The following MNAT1 variants were observed in gnomAD, a reference collection of about 807,000 sequenced individuals.
MNAT1 encodes CDK-activating kinase assembly factor MAT1.
Under a neutral mutation model 42.0 loss-of-function variants are expected in MNAT1, and 43 were observed. That is an observed-to-expected ratio of 1.02 (90% CI 0.80 to 1.32). The LOEUF (loss-of-function observed/expected upper bound fraction) is 1.32, where lower values mean the gene tolerates loss of function less well. MNAT1 is among the 40% of genes most tolerant of loss of function. MNAT1 has a pLI of 0.00. For synonymous variants in MNAT1, 118 were observed against 120.0 expected (o/e 0.98, Z 0.11); for missense variants, 306 against 350.4 (o/e 0.87, Z 1.01).
chr14:60,883,047 A>T (rs2034586222), intron 7 of MNAT1, among the ~76,000 whole-genome samples: 2 of 151,922 alleles, frequency 1.3e-5, no homozygotes, highest in South Asian at 4.1e-4. Context: ...CTCTTTGTTC[A>T]TCGATTTCTT....
intron 3 of MNAT1, among the ~76,000 whole-genome samples, chr14:60,803,045 C>A (rs1216515014): frequency 6.6e-6 from 1 of 151,254 alleles, no homozygotes; most frequent in Non-Finnish European, 1.5e-5. Context: ...CAATTATCTG[C>A]CTCAGCCTCC....
intron 7 of MNAT1, among the ~76,000 whole-genome samples, chr14:60,888,537 C>A (rs1237833030): frequency 1.3e-5 from 2 of 151,764 alleles, no homozygotes; most frequent in Non-Finnish European, 2.9e-5. Flanking sequence ...AAAACTGGCA[C>A]AAGACAGGGA....
intron 6 of MNAT1, among the ~76,000 whole-genome samples, chr14:60,820,404 C>T (rs2032847386): frequency 6.6e-6 from 1 of 152,006 alleles, no homozygotes. Context: ...CTGTTGCTTC[C>T]ACTTTAGCAA....
In MNAT1 at chr14:60,812,134, A is replaced by G. The variant is rs1333484914; in HGVS notation, c.561+7A>G. ...GGCTTTTTTAGATGAGCTGGTATGT[A>G]TTAATGCTAATTGTGATTGTAAAAA... On this transcript the variant is annotated splice_region_variant and intron_variant, in intron 5 of 7. Coordinates refer to ENST00000261245, the MANE Select transcript of MNAT1 (RefSeq NM_002431.4). 5.8e-6 allele frequency: 9 copies of G among 1,551,502 alleles called. No homozygotes were observed. The highest frequency in any genetic ancestry group is 1.4e-5 in the African/African-American group (1 of 72,060).
At chr14:60,909,554 T>A (rs2035297135) in intron 7 of MNAT1, among the ~76,000 whole-genome samples, 2 of 152,316 alleles carry the variant, frequency 1.3e-5, no homozygotes, top group Admixed American at 6.5e-5. Context: ...TTAGCCAGTT[T>A]TCCCAGCACC....
intron 7 of MNAT1, among the ~76,000 whole-genome samples, chr14:60,892,931 G>T (rs1277903426): frequency 6.6e-6 from 1 of 152,086 alleles, no homozygotes; most frequent in Admixed American, 6.5e-5. Context: ...GTGTGTCCAA[G>T]ATTATTAATA....
chr14:60,921,598 C>A (rs989065277), intron 7 of MNAT1, among the ~76,000 whole-genome samples: 2 of 152,138 alleles, frequency 1.3e-5, no homozygotes, highest in African/African-American at 4.8e-5. Flanking sequence ...ACTCCCCAAA[C>A]AGTTCAGCAG....
chr14:60,880,288 A>G (rs2034522953), intron 7 of MNAT1, among the ~76,000 whole-genome samples: 1 of 152,170 alleles, frequency 6.6e-6, no homozygotes, highest in African/African-American at 2.4e-5. Context: ...GTATAATGTA[A>G]GGCTGGCCCT....
chr14:60,811,885 T>C, intron 4 of MNAT1, 102 bp from the exon 5 acceptor site: 2 of 744,998 alleles, frequency 2.7e-6, no homozygotes, highest in Non-Finnish European at 4.1e-6. Flanking sequence ...AATAAGTGAC[T>C]AGTGTGTTTT....
chr14:60,735,358 T>C (rs989144738), intron 1 of MNAT1, among the ~76,000 whole-genome samples: 2 of 152,324 alleles, frequency 1.3e-5, no homozygotes, highest in Admixed American at 1.3e-4. Context: ...TTTGCTTGAG[T>C]ATATACTGCT....
chr14:60,779,401 G>T (rs1178637552), intron 1 of MNAT1, among the ~76,000 whole-genome samples: 1 of 152,194 alleles, frequency 6.6e-6, no homozygotes, highest in African/African-American at 2.4e-5. Context: ...ATGATGATCT[G>T]TTATGGCCAG....
rs149300627 is a variant in MNAT1 at position 60,765,717 on chromosome 14, G to A, written c.90-30500G>A. Among the ~76,000 whole-genome samples the A allele has an allele frequency of 3.9e-5, 6 of 152,078 alleles. No individual in the cohort carries two copies. The East Asian group carries it at 1.2e-3, about 29-fold the overall frequency. On this transcript the variant is annotated intron_variant, in intron 1 of 7. Transcript: ENST00000261245. Reference sequence around the variant, plus strand: ...TACCCAGACTAGATTATTGATGATGGCTTCTATTTATGGTTAGACTGAATA... The same window carrying A: ...TACCCAGACTAGATTATTGATGATGACTTCTATTTATGGTTAGACTGAATA...
chr14:60,968,227 A>G lies in MNAT1; in HGVS notation c.810-2A>G. On this transcript the variant is annotated splice_acceptor_variant, in intron 7 of 7. Transcript: ENST00000261245. LOFTEE classifies it high-confidence loss of function. ...AATGCTACACTTCTTGTTTTGTTTT[A>G]GGTATTTAAACCATGTCAGAGCTGC... 6.2e-7 allele frequency: 1 copy of G among 1,603,644 alleles called. No homozygotes were observed. The highest frequency in any genetic ancestry group is 8.5e-7 in the Non-Finnish European group (1 of 1,174,384).
rs1207974141 is a variant in MNAT1 at position 60,798,092 on chromosome 14, A to G, written c.248A>G (p.Asn83Ser). 1 of 1,401,644 alleles carries G rather than the reference A, an allele frequency of 7.1e-7. No individual in the cohort carries two copies. The highest frequency in any genetic ancestry group is 1.2e-5 in the South Asian group (1 of 85,138). The allele number at this position is 1,401,644 out of a possible 1,614,324, so 86.8% of individuals were successfully genotyped here. A position where few individuals can be genotyped will look rare whatever the true frequency, so the allele number is the denominator to read the frequency against. The change falls in exon 3 of 8, where the codon AAT becomes AGT. Residue 83 changes from asparagine (N) to serine (S), a missense_variant. By Grantham distance (46) the Asn-to-Ser change is conservative. This residue lies in a region of MNAT1 where 72 missense variants were observed against 111.0 expected (regional missense o/e 0.65). Coordinates refer to ENST00000261245, the MANE Select transcript of MNAT1 (RefSeq NM_002431.4). Reference sequence around the variant, plus strand: ...TCTTTTTTCTTTTCTTAAAGATACAATAAAAGGGAAGAAGATTTTCCTAGT... The same window carrying G: ...TCTTTTTTCTTTTCTTAAAGATACAGTAAAAGGGAAGAAGATTTTCCTAGT... ...EIRKKVLKIY[N>S]KREEDFPSLR...
At chr14:60,891,988 A>C (rs2034855248) in intron 7 of MNAT1, among the ~76,000 whole-genome samples, 1 of 152,096 alleles carries the variant, frequency 6.6e-6, no homozygotes, top group Admixed American at 6.5e-5. Context: ...TGCTAACCTC[A>C]TCCTGTTATG....
chr14:60,912,937 A>C (rs184501643), intron 7 of MNAT1, among the ~76,000 whole-genome samples: 36 of 152,238 alleles, frequency 2.4e-4, no homozygotes, highest in African/African-American at 7.9e-4. Context: ...GCTTGGTTCC[A>C]TTCTCCCCGT....
At chr14:60,742,856 T>C (rs1291932209) in intron 1 of MNAT1, among the ~76,000 whole-genome samples, 2 of 152,266 alleles carry the variant, frequency 1.3e-5, no homozygotes, top group Non-Finnish European at 2.9e-5. Context: ...CTGAATATTA[T>C]TCCATTGTAT....
At chr14:60,787,332 A>G (rs1002596532) in intron 1 of MNAT1, among the ~76,000 whole-genome samples, 2 of 152,322 alleles carry the variant, frequency 1.3e-5, no homozygotes, top group African/African-American at 4.8e-5. Flanking sequence ...TGACTAAAAA[A>G]CAGTGTGCAT....
At chr14:60,959,743 G>A (rs926700345) in intron 7 of MNAT1, among the ~76,000 whole-genome samples, 5 of 152,078 alleles carry the variant, frequency 3.3e-5, no homozygotes, top group African/African-American at 1.2e-4. Context: ...TCCAATTATT[G>A]TTCTTTGTGA....
Sources: allele counts gnomAD v4.1 joint callset (sites outside exome capture counted in the v4.1 genomes callset), GRCh38; gene constraint gnomAD v4.1.1; regional missense constraint gnomAD v4.1.1; transcripts MANE v1.5; gene names NCBI Gene and HGNC (gene_info 2026-07-23, HGNC 2026-07-21).